The following DEPDC1B variants were observed in gnomAD, a reference collection of about 807,000 sequenced individuals.
The protein encoded by DEPDC1B is DEP domain containing 1B, also known as DEP domain-containing protein 1B.
DEPDC1B carries 51 observed loss-of-function variants against 66.5 expected under a neutral mutation model. The ratio of observed to expected loss-of-function variants is 0.77; its 90% CI spans 0.61 to 0.97. The LOEUF is 0.97. DEPDC1B is among the 50% of genes least tolerant of loss of function. DEPDC1B has a pLI of 0.00. For missense variants in DEPDC1B, 552 were observed against 637.1 expected, an observed-to-expected ratio of 0.87 and a Z score of 1.44; for synonymous variants, 226 against 223.6, an observed-to-expected ratio of 1.01 and a Z score of -0.10.
intron 6 of DEPDC1B, among the ~76,000 whole-genome samples, chr5:60,640,650 A>G (rs972714847): frequency 3.9e-5 from 6 of 152,246 alleles, no homozygotes; most frequent in Admixed American, 3.3e-4. Flanking sequence ...AGGCTGGCCA[A>G]CAATGAATGT....
chr5:60,638,399 G>A (rs1034064597), intron 7 of DEPDC1B, among the ~76,000 whole-genome samples: 1 of 152,160 alleles, frequency 6.6e-6, no homozygotes. Context: ...GACTATTCAT[G>A]AAGTCATAGC....
rs187284181 is a variant in DEPDC1B at position 60,640,497 on chromosome 5, A to T, written c.758-1607T>A. On this transcript the variant is annotated intron_variant, in intron 6 of 10. Coordinates refer to ENST00000265036, the MANE Select transcript of DEPDC1B (RefSeq NM_018369.3). Reference sequence around the variant, plus strand: ...TCTTGAACTTTAATAATATTTAAAAATTTTTTTTATAAATGTTATTCCTGA... The same window carrying T: ...TCTTGAACTTTAATAATATTTAAAATTTTTTTTTATAAATGTTATTCCTGA... Among the ~76,000 whole-genome samples the T allele has an allele frequency of 4.5e-4, 69 of 152,226 alleles. No individual in the cohort carries two copies. The East Asian group carries it at 8.9e-3, about 20-fold the overall frequency.
At chr5:60,610,810 G>C (rs903738282) in intron 7 of DEPDC1B, among the ~76,000 whole-genome samples, 1 of 152,116 alleles carries the variant, frequency 6.6e-6, no homozygotes, top group African/African-American at 2.4e-5. Context: ...CTCATTCCCT[G>C]GTGTTAGAAT....
intron 1 of DEPDC1B, among the ~76,000 whole-genome samples, chr5:60,690,804 T>C (rs1754525470): frequency 6.6e-6 from 1 of 150,908 alleles, no homozygotes. Context: ...CTTCTAATCA[T>C]GACTTTTCTT....
intron 7 of DEPDC1B, among the ~76,000 whole-genome samples, chr5:60,635,471 A>G (rs955179403): frequency 1.3e-5 from 2 of 152,248 alleles, no homozygotes; most frequent in Non-Finnish European, 2.9e-5. Flanking sequence ...GGCATTTTCT[A>G]TATTTAACAT....
chr5:60,613,824 G>A (rs1415772990), intron 7 of DEPDC1B, among the ~76,000 whole-genome samples: 42 of 132,536 alleles, frequency 3.2e-4, no homozygotes, highest in African/African-American at 9.2e-4. Flanking sequence ...GTGTGTGTGT[G>A]TGTGTATACA....
chr5:60,628,303 T>C (rs1172895544), intron 7 of DEPDC1B: 2 of 152,190 alleles, frequency 1.3e-5, no homozygotes, highest in Admixed American at 1.3e-4. Context: ...CTTTGCAAAG[T>C]AGTCCTGATC....
Position 60,675,967 on chromosome 5 carries a change from C to T in DEPDC1B, c.314+10995G>A, listed in dbSNP as rs185933087. 2.2e-3 allele frequency among the ~76,000 whole-genome samples: 328 copies of T among 149,728 alleles called. 2 individuals are homozygous for T. Among genetic ancestry groups the T allele is most frequent in the African/African-American group, 7.8e-3 (317 of 40,636 alleles). On this transcript the variant is annotated intron_variant, in intron 2 of 10. Transcript: ENST00000265036. ...TTTGAGAGGGAGTCTTGCTCTGTTG[C>T]CCAGGCCTGGAATGCACTGGCACAA...
chr5:60,619,121 T>A (rs1354747954), intron 7 of DEPDC1B, among the ~76,000 whole-genome samples: 1 of 152,176 alleles, frequency 6.6e-6, no homozygotes, highest in African/African-American at 2.4e-5. Flanking sequence ...ATAAATTAGG[T>A]ATTCATGGGA....
intron 7 of DEPDC1B, among the ~76,000 whole-genome samples, chr5:60,632,935 C>T (rs1446279454): frequency 6.6e-6 from 1 of 152,218 alleles, no homozygotes; most frequent in African/African-American, 2.4e-5. Flanking sequence ...CTGACGCCAG[C>T]AGAATAAGCC....
At chr5:60,644,611 A>G in intron 5 of DEPDC1B, 134 bp downstream of exon 5, 1 of 607,972 alleles carries the variant, frequency 1.6e-6, no homozygotes, top group Non-Finnish European at 2.5e-6. Context: ...ATTTGTTAAA[A>G]GGTATTAGAA....
chr5:60,607,584 T>C (rs894456938), intron 7 of DEPDC1B, among the ~76,000 whole-genome samples: 9 of 151,722 alleles, frequency 5.9e-5, no homozygotes, highest in African/African-American at 1.9e-4. Context: ...TTCCAGAAGA[T>C]AAAAAGCAAA....
At chr5:60,684,820 T>C (rs1234620933) in intron 2 of DEPDC1B, among the ~76,000 whole-genome samples, 3 of 152,302 alleles carry the variant, frequency 2.0e-5, no homozygotes, top group South Asian at 2.1e-4. Context: ...AGAAAATATT[T>C]GAAAACTATT....
At chr5:60,617,613 T>A (rs920896976) in intron 7 of DEPDC1B, among the ~76,000 whole-genome samples, 62 of 152,254 alleles carry the variant, frequency 4.1e-4, no homozygotes, top group Admixed American at 2.1e-3. Context: ...ATGCACCCAA[T>A]ACAGGAGCAG....
In DEPDC1B at chr5:60,638,956, G is replaced by A. The variant is rs1287359091; in HGVS notation, c.758-66C>T. On this transcript the variant is annotated intron_variant, in intron 6 of 10. Transcript: ENST00000265036. ...TAATTACCTCTAAGTATTATTCTCT[G>A]TGAATATGTGTGGCGTGTACAGATA... 5.0e-5 allele frequency: 77 copies of A among 1,546,620 alleles called. 1 individual carries two copies. Among genetic ancestry groups the A allele is most frequent in the Non-Finnish European group, 4.4e-5 (50 of 1,141,820 alleles).
At chr5:60,631,628 A>G (rs1032822318) in intron 7 of DEPDC1B, among the ~76,000 whole-genome samples, 36 of 152,226 alleles carry the variant, frequency 2.4e-4, no homozygotes, top group African/African-American at 8.2e-4. Context: ...TCTCATCCTG[A>G]TAAGTCTCAT....
chr5:60,671,558 T>C (rs1754035019), intron 2 of DEPDC1B, among the ~76,000 whole-genome samples: 1 of 152,220 alleles, frequency 6.6e-6, no homozygotes, highest in South Asian at 2.1e-4. Flanking sequence ...TTCAGAACTC[T>C]GGCATGTGGT....
At chr5:60,658,708 G>A (rs1359041310) in intron 2 of DEPDC1B, among the ~76,000 whole-genome samples, 1 of 152,152 alleles carries the variant, frequency 6.6e-6, no homozygotes, top group African/African-American at 2.4e-5. Context: ...ACAGGGGGAG[G>A]GACAATGATC....
intron 2 of DEPDC1B, among the ~76,000 whole-genome samples, chr5:60,654,731 T>C (rs1753537971): frequency 6.7e-6 from 1 of 148,894 alleles, no homozygotes; most frequent in Non-Finnish European, 1.5e-5. Flanking sequence ...GCTTTCCACT[T>C]TTCCCTGTTC....
Sources: gnomAD v4.1 joint callset for allele counts (sites outside exome capture counted in the v4.1 genomes callset) on GRCh38, gnomAD v4.1.1 for gene constraint, MANE v1.5 for transcripts, NCBI Gene and HGNC (gene_info 2026-07-23, HGNC 2026-07-21) for gene names.